The following CTNNA3 variants were observed in gnomAD, a reference collection of about 807,000 sequenced individuals.
CTNNA3 encodes catenin alpha 3, also known as catenin alpha-3.
CTNNA3 carries 76 observed loss-of-function variants against 95.7 expected under a neutral mutation model. The observed-to-expected ratio is 0.79, with a 90% confidence interval of 0.66 to 0.96. The LOEUF is 0.96. Ranked by LOEUF, CTNNA3 falls within the 40% of genes least tolerant of loss-of-function variation. The pLI, the probability that CTNNA3 is intolerant of heterozygous loss-of-function variation, is 0.00. For synonymous variants in CTNNA3, 431 were observed against 374.4 expected (o/e 1.15, Z -1.74); for missense variants, 1,191 against 1,089.8 (o/e 1.09, Z -1.31).
rs1323226193 is a variant in CTNNA3 at position 67,628,721 on chromosome 10, T to A, written c.99+18694A>T. On this transcript the variant is annotated intron_variant, in intron 2 of 17. Coordinates refer to ENST00000433211, the MANE Select transcript of CTNNA3 (RefSeq NM_013266.4). ...TCTTAAAATATGATATATCTTGGTA[T>A]ATGTTGTCATTCATAATTATGAGTG... is the stretch of plus-strand genomic sequence containing the variant. Among the ~76,000 whole-genome samples the A allele has an allele frequency of 2.0e-5, 3 of 152,164 alleles. 1 individual carries two copies. The highest frequency in any genetic ancestry group is 2.0e-4 in the Admixed American group (3 of 15,278).
intron 7 of CTNNA3, among the ~76,000 whole-genome samples, chr10:67,150,841 G>A (rs979285080): frequency 3.3e-5 from 5 of 152,108 alleles, no homozygotes; most frequent in African/African-American, 1.2e-4. Context: ...GCCTTATTTT[G>A]AGATTTGGTA....
intron 5 of CTNNA3, among the ~76,000 whole-genome samples, chr10:67,232,520 A>G (rs1303074476): frequency 1.3e-5 from 2 of 152,194 alleles, no homozygotes; most frequent in South Asian, 2.1e-4. Flanking sequence ...AGCACTAAAC[A>G]TGGAAGGAAC....
At chr10:66,307,447 A>T (rs930542163) in intron 12 of CTNNA3, among the ~76,000 whole-genome samples, 39 of 152,210 alleles carry the variant, frequency 2.6e-4, no homozygotes, top group African/African-American at 9.4e-4. Context: ...TTTAGTCATG[A>T]TTCTAAAGAT....
intron 10 of CTNNA3, among the ~76,000 whole-genome samples, chr10:66,527,557 C>T (rs1841311854): frequency 6.6e-6 from 1 of 151,988 alleles, no homozygotes; most frequent in Non-Finnish European, 1.5e-5. Flanking sequence ...GATGTCTTTT[C>T]TGTTTTTTAT....
At chr10:66,067,802 G>A (rs986734706) in intron 15 of CTNNA3, among the ~76,000 whole-genome samples, 1 of 152,090 alleles carries the variant, frequency 6.6e-6, no homozygotes, top group Admixed American at 6.6e-5. Flanking sequence ...TGTAGTCCCA[G>A]CTACTCGGGA....
chr10:67,691,844 A>G (rs1840863802), intron 1 of CTNNA3, among the ~76,000 whole-genome samples: 1 of 143,026 alleles, frequency 7.0e-6, no homozygotes, highest in Admixed American at 6.8e-5. Flanking sequence ...CTGGGAAGTG[A>G]GGAGCCCCTC....
At chr10:65,953,867 G>A (rs2077673378) in intron 17 of CTNNA3, among the ~76,000 whole-genome samples, 1 of 152,152 alleles carries the variant, frequency 6.6e-6, no homozygotes, top group Admixed American at 6.5e-5. Context: ...TGTCTTTATA[G>A]CAGCATGATT....
At chr10:66,108,303 A>G (rs980749959) in intron 13 of CTNNA3, among the ~76,000 whole-genome samples, 2 of 152,184 alleles carry the variant, frequency 1.3e-5, no homozygotes, top group Non-Finnish European at 2.9e-5. Context: ...ACTCTACCTT[A>G]TAAATATTCA....
chr10:67,369,913 A>AT (rs1843355445), intron 5 of CTNNA3, among the ~76,000 whole-genome samples: 5 of 152,174 alleles, frequency 3.3e-5, no homozygotes, highest in African/African-American at 9.6e-5. Flanking sequence ...TACAAATTAC[A>AT]AATGCATATG....
At chr10:66,712,281 A>T (rs1564633841) in intron 9 of CTNNA3, among the ~76,000 whole-genome samples, 1 of 152,114 alleles carries the variant, frequency 6.6e-6, no homozygotes, top group Non-Finnish European at 1.5e-5. Flanking sequence ...TCAAAATTAT[A>T]TCAGTTATTT....
At chr10:66,818,825 C>T (rs576500124) in intron 7 of CTNNA3, among the ~76,000 whole-genome samples, 1 of 152,000 alleles carries the variant, frequency 6.6e-6, no homozygotes, top group Non-Finnish European at 1.5e-5. Context: ...AAGTTAGGCT[C>T]ACCATCGTAA....
At chr10:66,021,695 T>C (rs778958832) in intron 15 of CTNNA3, among the ~76,000 whole-genome samples, 1 of 151,998 alleles carries the variant, frequency 6.6e-6, no homozygotes, top group Non-Finnish European at 1.5e-5. Context: ...TTCTGAATAT[T>C]CCATGTTGGG....
chr10:67,508,794 T>A (rs1839510667), intron 5 of CTNNA3, among the ~76,000 whole-genome samples: 1 of 151,986 alleles, frequency 6.6e-6, no homozygotes, highest in African/African-American at 2.4e-5. Flanking sequence ...TATAAGGAAG[T>A]CATTTAACTC....
intron 15 of CTNNA3, among the ~76,000 whole-genome samples, chr10:66,039,165 A>G (rs2079628326): frequency 6.6e-6 from 1 of 152,220 alleles, no homozygotes; most frequent in Admixed American, 6.5e-5. Context: ...AATGAATAAA[A>G]GACCTAGGAA....
intron 7 of CTNNA3, among the ~76,000 whole-genome samples, chr10:67,042,178 C>T (rs768402982): frequency 9.2e-5 from 14 of 152,006 alleles, no homozygotes; most frequent in Non-Finnish European, 1.9e-4. Flanking sequence ...TTAAAAAGAA[C>T]AAACCTGGAT....
In CTNNA3 at chr10:67,391,928, G is replaced by A. The variant is rs1307045954; in HGVS notation, c.579+129914C>T. On this transcript the variant is annotated intron_variant, in intron 5 of 17. Coordinates refer to ENST00000433211, the MANE Select transcript of CTNNA3 (RefSeq NM_013266.4). ...TTCAAGATGGATTAAAGACTTAAAC[G>A]TTAGACCTAAAACCATAAAAACCCT... Among the ~76,000 whole-genome samples, 33 of 148,874 alleles carry A rather than the reference G, an allele frequency of 2.2e-4. No individual in the cohort carries two copies. The East Asian group carries it at 3.2e-3, about 14-fold the overall frequency.
chr10:66,993,461 T>C (rs900711361), intron 7 of CTNNA3, among the ~76,000 whole-genome samples: 3 of 152,170 alleles, frequency 2.0e-5, no homozygotes, highest in African/African-American at 4.8e-5. Flanking sequence ...TGATCATCTT[T>C]GGAAATAACA....
intron 15 of CTNNA3, among the ~76,000 whole-genome samples, chr10:66,039,226 C>T (rs2079630786): frequency 6.6e-6 from 1 of 152,144 alleles, no homozygotes; most frequent in African/African-American, 2.4e-5. Flanking sequence ...CTACGAAATG[C>T]TGCTCAAAGA....
At chr10:66,890,922 A>AAGAG (rs1235580559) in intron 7 of CTNNA3, among the ~76,000 whole-genome samples, 3 of 152,128 alleles carry the variant, frequency 2.0e-5, no homozygotes, top group Non-Finnish European at 4.4e-5. Context: ...GGGGCAGGAT[A>AAGAG]AGAGCCATTT....
Sources: allele counts gnomAD v4.1 joint callset (sites outside exome capture counted in the v4.1 genomes callset), GRCh38; gene constraint gnomAD v4.1.1; transcripts MANE v1.5; gene names NCBI Gene and HGNC (gene_info 2026-07-23, HGNC 2026-07-21).